Variants in NEK5 observed in about 807,000 individuals in gnomAD.
NEK5 encodes NIMA related kinase 5.
Under a neutral mutation model 109.2 loss-of-function variants are expected in NEK5, and 88 were observed. That is an observed-to-expected ratio of 0.81 (90% CI 0.68 to 0.96). The LOEUF (loss-of-function observed/expected upper bound fraction) is 0.96, where lower values mean the gene tolerates loss of function less well. Among genes scored for constraint, NEK5 ranks in the 40% least tolerant of loss-of-function variants. NEK5 has a pLI of 0.00. For synonymous variants in NEK5, 283 were observed against 299.9 expected (o/e 0.94, Z 0.58); for missense variants, 834 against 920.7 (o/e 0.91, Z 1.22).
intron 8 of NEK5, among the ~76,000 whole-genome samples, chr13:52,104,914 T>G (rs1307185189): frequency 6.6e-6 from 1 of 152,196 alleles, no homozygotes; most frequent in Non-Finnish European, 1.5e-5. Flanking sequence ...AGGTAATATT[T>G]GGTTGATTTT....
chr13:52,120,240 C>T (rs998776922), intron 3 of NEK5, among the ~76,000 whole-genome samples: 7 of 152,198 alleles, frequency 4.6e-5, no homozygotes, highest in African/African-American at 1.7e-4. Context: ...TCCTTAAACC[C>T]CTCTAAGCTT....
At position 52,108,375 on chromosome 13, in the gene NEK5, C is replaced by T. The variant is rs1955694394; in HGVS notation, c.497G>A (p.Gly166Glu). The T allele has an allele frequency of 6.2e-7, 1 of 1,609,620 alleles. No individual in the cohort carries two copies. The highest frequency in any genetic ancestry group is 1.3e-5 in the African/African-American group (1 of 74,736). Reference protein sequence around the residue: ...NSMELARTCIGTPYYLSPEIC... With the variant: ...NSMELARTCIETPYYLSPEIC... Reference sequence around the variant, plus strand: ...CTCTGGGGACAGGTAGTAAGGTGTTCCAATACAAGTTCGAGCAAGTTCCAT... The same window carrying T: ...CTCTGGGGACAGGTAGTAAGGTGTTTCAATACAAGTTCGAGCAAGTTCCAT... Residue 166 changes from glycine to glutamate, a missense_variant, in exon 8 of 24, where the codon GGA becomes GAA. Coordinates refer to ENST00000684899, the MANE Select transcript of NEK5 (RefSeq NM_001365552.1).
chr13:52,039,337 T>C (rs1222769521), intron 23 of NEK5, among the ~76,000 whole-genome samples: 5 of 152,202 alleles, frequency 3.3e-5, no homozygotes, highest in African/African-American at 1.2e-4. Context: ...CCAGTCATCA[T>C]GGAGGACCCC....
At chr13:52,058,622 A>G (rs1232168159) in intron 22 of NEK5, among the ~76,000 whole-genome samples, 17 of 152,142 alleles carry the variant, frequency 1.1e-4, no homozygotes, top group Admixed American at 1.1e-3. Flanking sequence ...TCAATGGAAC[A>G]GAACAGAGCC....
At chr13:52,052,932 T>C (rs1019253533) in intron 22 of NEK5, among the ~76,000 whole-genome samples, 9 of 152,162 alleles carry the variant, frequency 5.9e-5, no homozygotes, top group Non-Finnish European at 2.9e-5. Flanking sequence ...AGTACAAATT[T>C]AGGGTTGGCT....
chr13:52,094,228 C>T (rs1180789197), intron 12 of NEK5, among the ~76,000 whole-genome samples: 2 of 152,290 alleles, frequency 1.3e-5, no homozygotes, highest in Middle Eastern at 6.8e-3. Flanking sequence ...AAAAGCCAGT[C>T]AAGACCTTCT....
intron 12 of NEK5, among the ~76,000 whole-genome samples, chr13:52,096,490 G>A (rs1376887232): frequency 6.6e-6 from 1 of 152,192 alleles, no homozygotes; most frequent in Non-Finnish European, 1.5e-5. Context: ...GGACACTTTT[G>A]TTATGAATTA....
At position 52,086,380 on chromosome 13, in the gene NEK5, A is replaced by G. The variant is rs746393775; in HGVS notation, c.1393-17T>C. On this transcript the variant is annotated splice_polypyrimidine_tract_variant and intron_variant, in intron 15 of 23. Coordinates refer to ENST00000684899, the MANE Select transcript of NEK5 (RefSeq NM_001365552.1). ...CCAATATTCCTGGAAAGCAAACCCA[A>G]TCCAGAAACTTTAAATGTTTATGAA... 6.6e-7 allele frequency: 1 copy of G among 1,510,590 alleles called. No homozygotes were observed. Among genetic ancestry groups the G allele is most frequent in the East Asian group, 2.3e-5 (1 of 44,340 alleles). 93.6% of individuals were successfully genotyped at this position (1,510,590 alleles called of 1,614,324 possible).
At chr13:52,053,617 C>G (rs959477447) in intron 22 of NEK5, among the ~76,000 whole-genome samples, 17 of 152,136 alleles carry the variant, frequency 1.1e-4, no homozygotes, top group Admixed American at 8.5e-4. Flanking sequence ...AATTCTCCCC[C>G]ACCAGGAACT....
At chr13:52,054,868 T>G (rs541091196) in intron 22 of NEK5, among the ~76,000 whole-genome samples, 107 of 152,256 alleles carry the variant, frequency 7.0e-4, no homozygotes, top group South Asian at 5.8e-3. Flanking sequence ...GCAGAAAAAC[T>G]GGAAACTCTA....
At chr13:52,109,127 A>C (rs2408554) in intron 7 of NEK5, among the ~76,000 whole-genome samples, 95,507 of 152,128 alleles carry the variant, frequency 0.63, 31,143 homozygotes, top group Non-Finnish European at 0.72. Flanking sequence ...ACAGGTGCAC[A>C]AATTTATTTT....
intron 2 of NEK5, 37 bp downstream of exon 2, chr13:52,127,558 G>GTCA (rs1382738017): frequency 1.2e-6 from 1 of 815,460 alleles, no homozygotes; most frequent in Non-Finnish European, 2.1e-6. Context: ...GACTAACAAA[G>GTCA]TCAGAAAACT....
chr13:52,071,915 CT>C (rs1212280370), intron 20 of NEK5, 28 bp downstream of exon 20: 3 of 1,607,546 alleles, frequency 1.9e-6, no homozygotes, highest in Non-Finnish European at 2.6e-6. Context: ...ACAGTTCCTT[CT>C]CATTTACAAC....
At chr13:52,049,015 C>T (rs7338131) in intron 23 of NEK5, among the ~76,000 whole-genome samples, 8 of 151,986 alleles carry the variant, frequency 5.3e-5, no homozygotes, top group East Asian at 1.9e-4. Flanking sequence ...AAGCATGTGA[C>T]GTAATACATA....
At chr13:52,084,711 G>A (rs983642620) in intron 16 of NEK5, among the ~76,000 whole-genome samples, 1 of 122,918 alleles carries the variant, frequency 8.1e-6, no homozygotes. Flanking sequence ...CTAATTTAAA[G>A]AGAGAGAGAG....
chr13:52,061,832 G>C lies in NEK5; in HGVS notation c.2097C>G (p.Ala699=). 1.0e-6 allele frequency: 1 copy of C among 985,576 alleles called. No homozygotes were observed. 61.1% of individuals were successfully genotyped at this position (985,576 alleles called of 1,614,324 possible). The change falls in exon 22 of 24, where the codon GCC becomes GCG. Residue 699 remains alanine (A), a synonymous_variant. Transcript: ENST00000684899. ...AAHLTSSSFS[A]DEEFAMGTLK... ...TAAACTACATACCAAATTCTTCATC[G>C]GCAGAAAATGAGCTACTCGTTAGAT... is the stretch of plus-strand genomic sequence containing the variant.
chr13:52,108,943 T>C (rs530357703), intron 7 of NEK5, among the ~76,000 whole-genome samples: 2 of 152,358 alleles, frequency 1.3e-5, no homozygotes, highest in East Asian at 3.9e-4. Flanking sequence ...TAAATGTTTA[T>C]GATATATTCA....
intron 12 of NEK5, among the ~76,000 whole-genome samples, chr13:52,096,986 G>A (rs116894922): frequency 0.017 from 2,576 of 152,270 alleles, 26 homozygotes; most frequent in Non-Finnish European, 0.028. Context: ...GGCTGCTCCA[G>A]CTCCAGCCAT....
Position 52,061,921 on chromosome 13 carries a change from C to G in NEK5, c.2008G>C (p.Gly670Arg). 1 of 922,902 alleles carries G rather than the reference C, an allele frequency of 1.1e-6. No homozygotes were observed. The highest frequency in any genetic ancestry group is 1.8e-5 in the African/African-American group (1 of 56,108). 57.2% of individuals were successfully genotyped at this position (922,902 alleles called of 1,614,324 possible). The change falls in exon 22 of 24, where the codon GGA becomes CGA. Residue 670 changes from glycine (G) to arginine (R), a missense_variant. Gly to Arg is a moderately radical substitution (Grantham distance 125). Coordinates refer to ENST00000684899, the MANE Select transcript of NEK5 (RefSeq NM_001365552.1). ...GQVIVIEGIPGNRKQWRHEAP... is the reference protein window; with the variant it reads ...GQVIVIEGIPRNRKQWRHEAP... ...TCATGCCGCCACTGTTTCCTGTTTC[C>G]TGGAATGCCTTCAATCACAATAACT...
Sources: gnomAD v4.1 joint callset for allele counts (sites outside exome capture counted in the v4.1 genomes callset) on GRCh38, gnomAD v4.1.1 for gene constraint, MANE v1.5 for transcripts, NCBI Gene and HGNC (gene_info 2026-07-23, HGNC 2026-07-21) for gene names.